The following ACTC1 variants were observed in gnomAD, a reference collection of about 807,000 sequenced individuals.
ACTC1 encodes actin, alpha cardiac muscle 1.
ACTC1 carries 10 observed loss-of-function variants against 31.6 expected under a neutral mutation model. The observed-to-expected ratio is 0.32, with a 90% CI of 0.19 to 0.54. ACTC1 has a LOEUF of 0.54. ACTC1 is among the 20% of genes least tolerant of loss of function. ACTC1 has a pLI of 0.95. For synonymous variants in ACTC1, 196 were observed against 185.0 expected, an observed-to-expected ratio of 1.06 and a Z score of -0.48; for missense variants, 129 against 506.4, an observed-to-expected ratio of 0.25 and a Z score of 7.15.
chr15:34,792,329 A>G lies in ACTC1; in HGVS notation c.617-48T>C, dbSNP rs569463018. On this transcript the variant is annotated intron_variant, in intron 4 of 6. Coordinates refer to ENST00000290378, the MANE Select transcript of ACTC1 (RefSeq NM_005159.5). This position sits in a 1 kb window ranked among gnomAD's most constrained non-coding sequence, Gnocchi z 5.3. ...AGTCATGCTCTGAAGCAAGAAGTCA[A>G]TTATAGGGAGGTAGGCGGATTCAGT... 143 of 1,614,074 alleles carry G rather than the reference A, an allele frequency of 8.9e-5. 2 individuals are homozygous for G. In the South Asian group the frequency reaches 1.4e-3, roughly 16 times the overall value.
Position 34,792,702 on chromosome 15 carries a change from C to T in ACTC1, c.455-133G>A, listed in dbSNP as rs749162596. ...GCATTGATCCAGATAAAATTAGATT[C>T]CTTACACACAAAGAATAAAAATGCG... On this transcript the variant is annotated intron_variant, in intron 3 of 6. Transcript: ENST00000290378. The surrounding 1 kb of genome is among the most constrained non-coding windows in gnomAD (Gnocchi z 5.3). 3.4e-4 allele frequency: 317 copies of T among 919,588 alleles called. 1 individual carries two copies. Among genetic ancestry groups the T allele is most frequent in the Non-Finnish European group, 4.6e-4 (268 of 576,440 alleles). 57.0% of individuals were successfully genotyped at this position (919,588 alleles called of 1,614,324 possible).
At chr15:34,795,224 C>T (rs1048036773) in intron 1 of ACTC1, among the ~76,000 whole-genome samples, 1 of 152,056 alleles carries the variant, frequency 6.6e-6, no homozygotes, top group East Asian at 1.9e-4. Context: ...GGAAAGCGCA[C>T]GAGAGTAGGG....
Position 34,793,240 on chromosome 15 carries a change from C to A in ACTC1, c.454+5G>T. On this transcript the variant is annotated splice_donor_5th_base_variant and intron_variant, in intron 3 of 6. Transcript: ENST00000290378. The surrounding 1 kb of genome is among the most constrained non-coding windows in gnomAD (Gnocchi z 4.8). ...ATCAGTAACTGTCCCCAGAGCCCAGCATACCTGTGGTACGGCCAGAAGCAT... is the reference window on the plus strand; with the variant it reads ...ATCAGTAACTGTCCCCAGAGCCCAGAATACCTGTGGTACGGCCAGAAGCAT... 1 of 1,613,968 alleles carries A rather than the reference C, an allele frequency of 6.2e-7. No individual in the cohort carries two copies. Among genetic ancestry groups the A allele is most frequent in the Non-Finnish European group, 8.5e-7 (1 of 1,179,860 alleles).
Position 34,793,719 on chromosome 15 carries a change from A to C in ACTC1, c.130-150T>G. 1 of 747,474 alleles carries C rather than the reference A, an allele frequency of 1.3e-6. No homozygotes were observed. Among genetic ancestry groups the C allele is most frequent in the Non-Finnish European group, 2.2e-6 (1 of 450,174 alleles). The allele number at this position is 747,474 out of a possible 1,614,324, so 46.3% of individuals were successfully genotyped here. On this transcript the variant is annotated intron_variant, in intron 2 of 6. Coordinates refer to ENST00000290378, the MANE Select transcript of ACTC1 (RefSeq NM_005159.5). This position sits in a 1 kb window ranked among gnomAD's most constrained non-coding sequence, Gnocchi z 4.8. ...TACGATTTTACCCCAATTTAGAAGA[A>C]TTATTTAAAAATCAATCTTCTACCT...
At position 34,790,448 on chromosome 15, in the gene ACTC1, C is replaced by G. The variant is rs758173419; in HGVS notation, c.1098G>C (p.Glu366Asp). ...TGCGGTGGACAATGGATGGGCCTGCCTCATCGTACTCTTGCTTGCTAATCC... is the reference window on the plus strand; with the variant it reads ...TGCGGTGGACAATGGATGGGCCTGCGTCATCGTACTCTTGCTTGCTAATCC... Reference protein sequence around the residue: ...QMWISKQEYDEAGPSIVHRKC... With the variant: ...QMWISKQEYDDAGPSIVHRKC... The change falls in exon 7 of 7, where the codon GAG (glutamate) becomes GAC (aspartate). Residue 366 changes from glutamate (E) to aspartate (D), a missense_variant. Coordinates refer to ENST00000290378, the MANE Select transcript of ACTC1 (RefSeq NM_005159.5). The G allele has an allele frequency of 6.2e-7, 1 of 1,614,140 alleles. No individual in the cohort carries two copies. The highest frequency in any genetic ancestry group is 1.7e-5 in the Admixed American group (1 of 60,022).
rs1350532708 is a variant in ACTC1, at chr15:34,793,576, G to A, written c.130-7C>T. The A allele has an allele frequency of 6.2e-7, 1 of 1,613,328 alleles. No homozygotes were observed. The highest frequency in any genetic ancestry group is 1.1e-5 in the South Asian group (1 of 91,028). Reference sequence around the variant, plus strand: ...CCATACCCACCATAACTCCCTATGAGAAGAAAAAATGAGAAAATCATGCTC... The same window carrying A: ...CCATACCCACCATAACTCCCTATGAAAAGAAAAAATGAGAAAATCATGCTC... On this transcript the variant is annotated splice_polypyrimidine_tract_variant and splice_region_variant and intron_variant, in intron 2 of 6. Coordinates refer to ENST00000290378, the MANE Select transcript of ACTC1 (RefSeq NM_005159.5). This position sits in a 1 kb window ranked among gnomAD's most constrained non-coding sequence, Gnocchi z 4.8.
Position 34,792,165 on chromosome 15 carries a change from G to A in ACTC1, c.733C>T (p.Pro245Ser), listed in dbSNP as rs1891718375. 6.2e-7 allele frequency: 1 copy of A among 1,614,114 alleles called. No homozygotes were observed. Among genetic ancestry groups the A allele is most frequent in the Non-Finnish European group, 8.5e-7 (1 of 1,180,056 alleles). The change falls in exon 5 of 7, where the codon CCT becomes TCT. Residue 245 changes from proline to serine, a missense_variant. Physicochemically the swap from Pro to Ser is moderately conservative, Grantham distance 74. Transcript: ENST00000290378. The surrounding 1 kb of genome is among the most constrained non-coding windows in gnomAD (Gnocchi z 5.3). ...SSSLEKSYEL[P>S]DGQVITIGNE... Reference sequence around the variant, plus strand: ...CCAATAGTGATGACTTGGCCATCAGGCAGTTCATAGCTCTTCTCCAGGGAG... The same window carrying A: ...CCAATAGTGATGACTTGGCCATCAGACAGTTCATAGCTCTTCTCCAGGGAG...
chr15:34,792,981 A>G lies in ACTC1; in HGVS notation c.454+264T>C. 2 of 554,528 alleles carry G rather than the reference A, an allele frequency of 3.6e-6. No individual in the cohort carries two copies. Among genetic ancestry groups the G allele is most frequent in the South Asian group, 4.2e-5 (2 of 47,190 alleles). 34.4% of individuals were successfully genotyped at this position (554,528 alleles called of 1,614,324 possible). ...GATGTGATGGTTTAAACACATAACA[A>G]TGACTGCTGCACTCCAAGCTGCTAC... On this transcript the variant is annotated intron_variant, in intron 3 of 6. Transcript: ENST00000290378. This position sits in a 1 kb window ranked among gnomAD's most constrained non-coding sequence, Gnocchi z 5.3.
rs752499457 is a variant in ACTC1, at chr15:34,791,304, G to A, written c.809-9C>T. On this transcript the variant is annotated splice_polypyrimidine_tract_variant and intron_variant, in intron 5 of 6. Transcript: ENST00000290378. The stretch of plus-strand genomic sequence containing the variant: ...GCCAGCAGATTCCATACCTGGGAAC[G>A]AGTCACACACACACACACACACACA... The A allele has an allele frequency of 7.2e-6, 11 of 1,534,000 alleles. No homozygotes were observed. Among genetic ancestry groups the A allele is most frequent in the African/African-American group, 3.1e-5 (2 of 64,636 alleles).
chr15:34,791,701 A>G (rs1891710952), intron 5 of ACTC1: 1 of 347,262 alleles, frequency 2.9e-6, no homozygotes, highest in Non-Finnish European at 5.4e-6. Flanking sequence ...TTGTTGACAT[A>G]TAAGTGCCCA....
In ACTC1 at chr15:34,792,276, G is replaced by A. The variant is rs727505179; in HGVS notation, c.622C>T (p.Arg208Cys). ...TCTTTAATGTCACGGACAATTTCACGTTCAGCTACAGAAATAAAGAGTATC... is the reference window on the plus strand; with the variant it reads ...TCTTTAATGTCACGGACAATTTCACATTCAGCTACAGAAATAAAGAGTATC... ...RGYSFVTTAE[R>C]EIVRDIKEKL... The change falls in exon 5 of 7, where the codon CGT becomes TGT. Residue 208 changes from arginine to cysteine, a missense_variant. By Grantham distance (180) the Arg-to-Cys change is radical (BLOSUM62 -3). Coordinates refer to ENST00000290378, the MANE Select transcript of ACTC1 (RefSeq NM_005159.5). The surrounding 1 kb of genome is among the most constrained non-coding windows in gnomAD (Gnocchi z 5.3). 7 of 1,614,054 alleles carry A rather than the reference G, an allele frequency of 4.3e-6. No homozygotes were observed. The highest frequency in any genetic ancestry group is 4.5e-5 in the East Asian group (2 of 44,896).
chr15:34,791,871 T>C (rs1891713454), intron 5 of ACTC1: 2 of 573,900 alleles, frequency 3.5e-6, no homozygotes, highest in Non-Finnish European at 6.2e-6. Context: ...TCATCCTTTA[T>C]TTTGAGATGA....
chr15:34,791,773 A>T (rs1001866225), intron 5 of ACTC1: 58 of 409,364 alleles, frequency 1.4e-4, no homozygotes, highest in African/African-American at 1.1e-3. Context: ...AAGTCCAGCT[A>T]CTTGGTAGTG....
chr15:34,794,935 G>C, intron 1 of ACTC1, 105 bp from the exon 2 acceptor site: 39 of 620,092 alleles, frequency 6.3e-5, no homozygotes, highest in Non-Finnish European at 7.7e-5. Context: ...GTGGGGACTG[G>C]ACAGGGGGTT....
rs1352125672 is a variant in ACTC1 at position 34,790,316 on chromosome 15, A to G, written c.*96T>C. ...TTGCACGTGTGTAAACAAACTGTAC[A>G]ATGATTGATGAAAGATGAGGGAAGG... On this transcript the variant is annotated 3_prime_UTR_variant, in exon 7 of 7. Transcript: ENST00000290378. 3.4e-6 allele frequency: 5 copies of G among 1,480,612 alleles called. No homozygotes were observed. In the Admixed American group the frequency reaches 8.4e-5, roughly 25 times the overall value. The allele number at this position is 1,480,612 out of a possible 1,614,324, so 91.7% of individuals were successfully genotyped here. A position where few individuals can be genotyped will look rare whatever the true frequency, so the allele number is the denominator to read the frequency against.
intron 5 of ACTC1, chr15:34,791,778 G>C (rs1891711966): frequency 4.8e-6 from 2 of 413,380 alleles, no homozygotes; most frequent in African/African-American, 4.0e-5. Flanking sequence ...CAGCTACTTG[G>C]TAGTGAAACT....
At chr15:34,791,950 G>C in intron 5 of ACTC1, 140 bp downstream of exon 5, 1 of 814,310 alleles carries the variant, frequency 1.2e-6, no homozygotes, top group Non-Finnish European at 2.0e-6. Flanking sequence ...GAGCCATCAG[G>C]ACTTGAGGTT....
Position 34,792,415 on chromosome 15 carries a change from G to A in ACTC1, c.609C>T (p.Val203=), listed in dbSNP as rs1055408313. 2.5e-6 allele frequency: 4 copies of A among 1,614,104 alleles called. No homozygotes were observed. The highest frequency in any genetic ancestry group is 3.4e-6 in the Non-Finnish European group (4 of 1,180,050). The change falls in exon 4 of 7, where the codon GTC becomes GTT. Residue 203 remains valine, a synonymous_variant. Coordinates refer to ENST00000290378, the MANE Select transcript of ACTC1 (RefSeq NM_005159.5). This position sits in a 1 kb window ranked among gnomAD's most constrained non-coding sequence, Gnocchi z 5.3. ...KILTERGYSF[V]TTAEREIVRD... is the part of the protein sequence containing the mutation. ...TGAGACACACACACTCACCAGTGGT[G>A]ACAAAGGAGTAGCCACGCTCAGTGA...
Position 34,793,256 on chromosome 15 carries a change from C to T in ACTC1, c.443G>A (p.Gly148Asp). ...IQAVLSLYAS[G>D]RTTGIVLDSG... is the part of the protein sequence containing the mutation. ...AGAGCCCAGCATACCTGTGGTACGGCCAGAAGCATACAGGGATAGCACTGC... is the reference window on the plus strand; with the variant it reads ...AGAGCCCAGCATACCTGTGGTACGGTCAGAAGCATACAGGGATAGCACTGC... The change falls in exon 3 of 7, where the codon GGC (glycine) becomes GAC (aspartate). Residue 148 changes from glycine (G) to aspartate (D), a missense_variant. Coordinates refer to ENST00000290378, the MANE Select transcript of ACTC1 (RefSeq NM_005159.5). This position sits in a 1 kb window ranked among gnomAD's most constrained non-coding sequence, Gnocchi z 4.8. 6.2e-7 allele frequency: 1 copy of T among 1,614,024 alleles called. No individual in the cohort carries two copies. The highest frequency in any genetic ancestry group is 8.5e-7 in the Non-Finnish European group (1 of 1,179,964).
Sources: allele counts gnomAD v4.1 joint callset (sites outside exome capture counted in the v4.1 genomes callset), GRCh38; gene constraint gnomAD v4.1.1; non-coding constraint Gnocchi (gnomAD v3.1); transcripts MANE v1.5; gene names NCBI Gene and HGNC (gene_info 2026-07-23, HGNC 2026-07-21).